The following ENOX1 variants were observed in gnomAD, a reference collection of about 807,000 sequenced individuals.
The protein encoded by ENOX1 is candidate growth-related and time keeping constitutive hydroquinone (NADH) oxidase.
In ENOX1, 42 loss-of-function variants were observed where a neutral mutation model predicts 82.5. The observed-to-expected ratio is 0.51, with a 90% confidence interval of 0.40 to 0.66. The LOEUF (loss-of-function observed/expected upper bound fraction) is 0.66. Ranked by LOEUF, ENOX1 falls within the 30% of genes least tolerant of loss-of-function variation. ENOX1 has a pLI of 0.00. For synonymous variants in ENOX1, 271 were observed against 282.2 expected (o/e 0.96, Z 0.40); for missense variants, 608 against 811.6 (o/e 0.75, Z 3.05).
chr13:43,548,317 A>C (rs1376153885), intron 2 of ENOX1, among the ~76,000 whole-genome samples: 2 of 152,188 alleles, frequency 1.3e-5, no homozygotes, highest in African/African-American at 4.8e-5. Context: ...TTCTAGTTCC[A>C]CACAATAGAA....
intron 1 of ENOX1, among the ~76,000 whole-genome samples, chr13:43,673,540 A>G (rs968297042): frequency 2.6e-5 from 4 of 152,224 alleles, no homozygotes; most frequent in African/African-American, 9.6e-5. Flanking sequence ...ACTCAGCTTC[A>G]CTTGGTTTGG....
chr13:43,357,992 G>A (rs1264480636), intron 7 of ENOX1, among the ~76,000 whole-genome samples: 1 of 152,128 alleles, frequency 6.6e-6, no homozygotes, highest in African/African-American at 2.4e-5. Flanking sequence ...CTGCACCCAG[G>A]TAGGGAAGCT....
chr13:43,497,618 G>A (rs1347303889), intron 2 of ENOX1, among the ~76,000 whole-genome samples: 4 of 152,022 alleles, frequency 2.6e-5, no homozygotes, highest in Non-Finnish European at 5.9e-5. Context: ...ACACATCACT[G>A]CAGTGATTAT....
At chr13:43,399,375 G>A (rs1460770842) in intron 5 of ENOX1, among the ~76,000 whole-genome samples, 1 of 152,132 alleles carries the variant, frequency 6.6e-6, no homozygotes, top group Non-Finnish European at 1.5e-5. Context: ...GTACATGTGG[G>A]TGCTTCCACG....
At chr13:43,717,827 A>G (rs2088257939) in intron 1 of ENOX1, among the ~76,000 whole-genome samples, 1 of 152,238 alleles carries the variant, frequency 6.6e-6, no homozygotes. Context: ...AATCAAAACT[A>G]CAGTGAGATA....
intron 9 of ENOX1, among the ~76,000 whole-genome samples, chr13:43,334,085 G>A (rs2048566088): frequency 6.6e-6 from 1 of 152,194 alleles, no homozygotes; most frequent in African/African-American, 2.4e-5. Flanking sequence ...CCTACCAAAG[G>A]TGAAACTCTA....
At chr13:43,492,981 G>A (rs570739153) in intron 2 of ENOX1, among the ~76,000 whole-genome samples, 1 of 152,288 alleles carries the variant, frequency 6.6e-6, no homozygotes, top group East Asian at 1.9e-4. Context: ...AAAACAGACT[G>A]AGGTCCCCCA....
rs534451918 is a variant in ENOX1 at position 43,659,979 on chromosome 13, T to C, written c.-219+7500A>G. Among the ~76,000 whole-genome samples, 3 of 152,346 alleles carry C rather than the reference T, an allele frequency of 2.0e-5. No homozygotes were observed. In the South Asian group the frequency reaches 6.2e-4, roughly 32 times the overall value. On this transcript the variant is annotated intron_variant, in intron 2 of 16. Coordinates refer to ENST00000690772, the MANE Select transcript of ENOX1 (RefSeq NM_001347969.2). ...GAAACCTTCTGTTTTACCAACTCTA[T>C]AGAAAACATAATCTTCATCCCTCTG...
intron 16 of ENOX1, among the ~76,000 whole-genome samples, chr13:43,216,651 T>C (rs1338373168): frequency 6.6e-6 from 1 of 151,970 alleles, no homozygotes; most frequent in Non-Finnish European, 1.5e-5. Flanking sequence ...GGCATGTCCT[T>C]CCCCAGATCA....
In ENOX1 at chr13:43,473,204, A is replaced by G. The variant is rs1000554869; in HGVS notation, c.-75+10805T>C. Among the ~76,000 whole-genome samples, 4 of 152,320 alleles carry G rather than the reference A, an allele frequency of 2.6e-5. No homozygotes were observed. In the South Asian group the frequency reaches 6.2e-4, roughly 24 times the overall value. On this transcript the variant is annotated intron_variant, in intron 3 of 16. Coordinates refer to ENST00000690772, the MANE Select transcript of ENOX1 (RefSeq NM_001347969.2). ...ATGTTGAACATTGTTTCATCCTACT[A>G]TGACTGTCATCCTTTGGCTTGTTGA...
At chr13:43,511,616 G>C (rs753542313) in intron 2 of ENOX1, among the ~76,000 whole-genome samples, 8 of 152,132 alleles carry the variant, frequency 5.3e-5, no homozygotes, top group Non-Finnish European at 1.0e-4. Flanking sequence ...AGGTCAAGAG[G>C]TTCTCCTGGG....
At chr13:43,482,103 A>G (rs1220030139) in intron 3 of ENOX1, among the ~76,000 whole-genome samples, 3 of 152,224 alleles carry the variant, frequency 2.0e-5, no homozygotes, top group African/African-American at 4.8e-5. Flanking sequence ...CAAATTAAAA[A>G]TAGAACTACC....
At chr13:43,458,664 C>T (rs2153635995) in intron 3 of ENOX1, 1 of 152,104 alleles carries the variant, frequency 6.6e-6, no homozygotes, top group South Asian at 2.1e-4. Flanking sequence ...ATATTTGGCC[C>T]AGCATCAGTT....
chr13:43,345,224 T>TAA (rs1311189744), intron 8 of ENOX1, among the ~76,000 whole-genome samples: 1 of 152,244 alleles, frequency 6.6e-6, no homozygotes, highest in Non-Finnish European at 1.5e-5. Flanking sequence ...TGGATTTTTT[T>TAA]AAAAGTGTTT....
At chr13:43,370,875 A>C (rs907445738) in intron 5 of ENOX1, among the ~76,000 whole-genome samples, 7 of 151,508 alleles carry the variant, frequency 4.6e-5, no homozygotes, top group African/African-American at 1.7e-4. Context: ...TTTTGTCCCC[A>C]CAAACTGTAG....
intron 1 of ENOX1, among the ~76,000 whole-genome samples, chr13:43,685,684 T>G (rs972171477): frequency 6.6e-6 from 1 of 152,144 alleles, no homozygotes; most frequent in East Asian, 1.9e-4. Flanking sequence ...TGTATTATTC[T>G]GCTGTCTTCC....
At chr13:43,385,089 G>A (rs1165924474) in intron 5 of ENOX1, among the ~76,000 whole-genome samples, 1 of 152,094 alleles carries the variant, frequency 6.6e-6, no homozygotes, top group Admixed American at 6.5e-5. Flanking sequence ...CCCGCTTTCT[G>A]GATGGCAGGG....
At chr13:43,727,585 G>A (rs749758289) in intron 1 of ENOX1, among the ~76,000 whole-genome samples, 4 of 152,088 alleles carry the variant, frequency 2.6e-5, no homozygotes, top group Non-Finnish European at 5.9e-5. Flanking sequence ...TGTTGGGGCC[G>A]CGGGTAGACA....
intron 3 of ENOX1, among the ~76,000 whole-genome samples, chr13:43,417,730 T>C (rs900302740): frequency 4.6e-5 from 7 of 152,224 alleles, no homozygotes; most frequent in African/African-American, 1.4e-4. Context: ...ATTACTATTT[T>C]ATTTGGAAAT....
Sources: allele counts gnomAD v4.1 joint callset (sites outside exome capture counted in the v4.1 genomes callset), GRCh38; gene constraint gnomAD v4.1.1; transcripts MANE v1.5; gene names NCBI Gene and HGNC (gene_info 2026-07-23, HGNC 2026-07-21).